LUC7L3: variants seen among roughly 807,000 people sequenced by gnomAD.
The protein encoded by LUC7L3 is luc7-like protein 3.
In LUC7L3, 6 loss-of-function variants were observed where a neutral mutation model predicts 66.8. The observed-to-expected ratio is 0.09, with a 90% CI of 0.05 to 0.18. The LOEUF (loss-of-function observed/expected upper bound fraction) is 0.18, where lower values mean the gene tolerates loss of function less well. Among genes scored for constraint, LUC7L3 ranks in the 10% least tolerant of loss-of-function variants. The pLI is 1.00. For synonymous variants in LUC7L3, 160 were observed against 174.7 expected, an observed-to-expected ratio of 0.92 and a Z score of 0.66; for missense variants, 341 against 531.1, an observed-to-expected ratio of 0.64 and a Z score of 3.52.
chr17:50,751,151 T>A lies in LUC7L3; in HGVS notation c.*490T>A. Reference sequence around the variant, plus strand: ...TTTGTTTTAATTAAACTGCTAGTATTTCTTTGTCAAGGATGTTTCTAGTTT... The same window carrying A: ...TTTGTTTTAATTAAACTGCTAGTATATCTTTGTCAAGGATGTTTCTAGTTT... On this transcript the variant is annotated 3_prime_UTR_variant, in exon 10 of 10. Coordinates refer to ENST00000505658, the MANE Select transcript of LUC7L3 (RefSeq NM_016424.5). The A allele has an allele frequency of 6.8e-7, 1 of 1,476,110 alleles. No individual in the cohort carries two copies. The highest frequency in any genetic ancestry group is 1.3e-5 in the South Asian group (1 of 75,292). 91.4% of individuals were successfully genotyped at this position (1,476,110 alleles called of 1,614,324 possible).
chr17:50,732,560 CTT>C (rs11360311), intron 1 of LUC7L3, among the ~76,000 whole-genome samples: 143 of 133,216 alleles, frequency 1.1e-3, no homozygotes, highest in East Asian at 4.7e-3. Flanking sequence ...TTTTTTCATT[CTT>C]TTTTTTTTTT....
chr17:50,745,627 A>G, intron 7 of LUC7L3, 93 bp from the exon 8 acceptor site: 5 of 907,756 alleles, frequency 5.5e-6, no homozygotes, highest in Non-Finnish European at 8.5e-6. Flanking sequence ...TCAATTCCAT[A>G]AGTTGGTCTA....
chr17:50,749,952 G>A (rs1056458856), intron 9 of LUC7L3, among the ~76,000 whole-genome samples: 1 of 152,160 alleles, frequency 6.6e-6, no homozygotes, highest in Non-Finnish European at 1.5e-5. Context: ...CAAAAGTTCA[G>A]TTGCTTAGAT....
intron 1 of LUC7L3, chr17:50,736,691 A>G: frequency 8.6e-6 from 3 of 350,426 alleles, no homozygotes; most frequent in Non-Finnish European, 1.0e-5. Context: ...TCTTTCCCAT[A>G]TTTGTTTTTG....
intron 5 of LUC7L3, among the ~76,000 whole-genome samples, chr17:50,742,445 G>T (rs1217223342): frequency 1.3e-5 from 2 of 151,948 alleles, no homozygotes; most frequent in Admixed American, 6.6e-5. Flanking sequence ...TGCAACCTCT[G>T]CCTCCCAGGT....
Position 50,753,229 on chromosome 17 carries a change from A to C in LUC7L3, c.*2568A>C, listed in dbSNP as rs555801469. ...TCTCTCCAGCTACGTATATACACAC[A>C]TACATATATATCATAGCAATTCCTT... On this transcript the variant is annotated 3_prime_UTR_variant, in exon 10 of 10. Transcript: ENST00000505658. 6.5e-6 allele frequency: 1 copy of C among 152,752 alleles called. No individual in the cohort carries two copies. Among genetic ancestry groups the C allele is most frequent in the South Asian group, 2.1e-4 (1 of 4,834 alleles). The allele number at this position is 152,752 out of a possible 1,614,324, so 9.5% of individuals were successfully genotyped here.
chr17:50,751,527 G>T lies in LUC7L3; in HGVS notation c.*866G>T. 1 of 1,173,790 alleles carries T rather than the reference G, an allele frequency of 8.5e-7. No individual in the cohort carries two copies. Among genetic ancestry groups the T allele is most frequent in the Non-Finnish European group, 1.1e-6 (1 of 933,740 alleles). 72.7% of individuals were successfully genotyped at this position (1,173,790 alleles called of 1,614,324 possible). ...CTTATAAAACAAATGTTAACAGAAT[G>T]GAATTTTTTTTCAACTGTATGTAGG... On this transcript the variant is annotated 3_prime_UTR_variant, in exon 10 of 10. Transcript: ENST00000505658.
In LUC7L3 at chr17:50,745,878, T is replaced by C. The variant is rs1313162992; in HGVS notation, c.852T>C (p.Ala284=). 1 of 1,607,564 alleles carries C rather than the reference T, an allele frequency of 6.2e-7. No homozygotes were observed. Among genetic ancestry groups the C allele is most frequent in the East Asian group, 2.2e-5 (1 of 44,800 alleles). Residue 284 remains alanine, a synonymous_variant, in exon 8 of 10, where the codon GCT becomes GCC. Transcript: ENST00000505658. Reference sequence around the variant, plus strand: ...AGGAAGAAAGAGAAAAAGAAAGGGCTCGTGACAGAGAAAGAAGAAAGAGAA... The same window carrying C: ...AGGAAGAAAGAGAAAAAGAAAGGGCCCGTGACAGAGAAAGAAGAAAGAGAA... ...REEEEREKER[A]RDRERRKRSR...
chr17:50,748,905 AAAAG>A (rs1970845207), intron 9 of LUC7L3, among the ~76,000 whole-genome samples: 1 of 152,184 alleles, frequency 6.6e-6, no homozygotes, highest in African/African-American at 2.4e-5. Flanking sequence ...AAAAATACAG[AAAAG>A]AAACTACCAT....
chr17:50,750,762 C>A lies in LUC7L3; in HGVS notation c.*101C>A. 6.2e-7 allele frequency: 1 copy of A among 1,603,246 alleles called. No individual in the cohort carries two copies. Among genetic ancestry groups the A allele is most frequent in the Non-Finnish European group, 8.5e-7 (1 of 1,175,522 alleles). On this transcript the variant is annotated 3_prime_UTR_variant, in exon 10 of 10. Transcript: ENST00000505658. Reference sequence around the variant, plus strand: ...TGTTTGACAGTGCAGCGTAAGTATGCACAGATGAAGATGGAACTAAGCCGA... The same window carrying A: ...TGTTTGACAGTGCAGCGTAAGTATGAACAGATGAAGATGGAACTAAGCCGA...
intron 1 of LUC7L3, among the ~76,000 whole-genome samples, chr17:50,734,238 G>C (rs1279716578): frequency 2.0e-5 from 3 of 150,942 alleles, no homozygotes; most frequent in Admixed American, 6.6e-5. Flanking sequence ...CCTAATCTCA[G>C]CTCACCGCAA....
At chr17:50,720,942 T>TA (rs1046024678) in intron 1 of LUC7L3, among the ~76,000 whole-genome samples, 1 of 152,172 alleles carries the variant, frequency 6.6e-6, no homozygotes, top group African/African-American at 2.4e-5. Context: ...GAAACATTCT[T>TA]AGAGTAGAAT....
At chr17:50,741,418 ATTTTGCTAACCATAAGATTTTTCTTTGT>A in intron 4 of LUC7L3, 172 bp downstream of exon 4, 1 of 734,544 alleles carries the variant, frequency 1.4e-6, no homozygotes, top group Non-Finnish European at 2.1e-6. Flanking sequence ...CATAACACTG[ATTTTGCTAACCATAAGATTTTTCTTTGT>A]TTTTATTTTT....
chr17:50,719,639 C>A lies in LUC7L3; in HGVS notation c.-94C>A. The A allele has an allele frequency of 9.3e-7, 1 of 1,079,604 alleles. No homozygotes were observed. The highest frequency in any genetic ancestry group is 1.4e-6 in the Non-Finnish European group (1 of 725,976). 66.9% of individuals were successfully genotyped at this position (1,079,604 alleles called of 1,614,324 possible). On this transcript the variant is annotated 5_prime_UTR_variant, in exon 1 of 10. In the 5' UTR this introduces an upstream ATG that the reference lacks. Coordinates refer to ENST00000505658, the MANE Select transcript of LUC7L3 (RefSeq NM_016424.5). ...TCCTGTGTGTAGGAGGGATTTCGGC[C>A]TGAGAGCGGGCCGAGGAGATTGGCG... is the stretch of plus-strand genomic sequence containing the variant.
At chr17:50,734,438 A>G (rs994913560) in intron 1 of LUC7L3, among the ~76,000 whole-genome samples, 1 of 152,180 alleles carries the variant, frequency 6.6e-6, no homozygotes, top group African/African-American at 2.4e-5. Context: ...AAGTGCTGGG[A>G]TTACAGGTGT....
rs1024623182 is a variant in LUC7L3 at position 50,750,907 on chromosome 17, CCT to C, written c.*249_*250del. The C allele has an allele frequency of 6.5e-7, 1 of 1,535,204 alleles. No homozygotes were observed. The highest frequency in any genetic ancestry group is 1.4e-5 in the African/African-American group (1 of 72,922). On this transcript the variant is annotated 3_prime_UTR_variant, in exon 10 of 10. Transcript: ENST00000505658. ...GCAGACTCGTGCCCCCATTAGTGTG[CCT>C]CTTTGGAAATTATCGCCCACATTTG... is the stretch of plus-strand genomic sequence containing the variant.
chr17:50,719,637 G>A lies in LUC7L3; in HGVS notation c.-96G>A, dbSNP rs1452181024. On this transcript the variant is annotated 5_prime_UTR_variant, in exon 1 of 10. Coordinates refer to ENST00000505658, the MANE Select transcript of LUC7L3 (RefSeq NM_016424.5). The stretch of plus-strand genomic sequence containing the variant: ...GCTCCTGTGTGTAGGAGGGATTTCG[G>A]CCTGAGAGCGGGCCGAGGAGATTGG... 8 of 1,043,646 alleles carry A rather than the reference G, an allele frequency of 7.7e-6. No individual in the cohort carries two copies. The highest frequency in any genetic ancestry group is 1.6e-5 in the African/African-American group (1 of 62,704). 64.6% of individuals were successfully genotyped at this position (1,043,646 alleles called of 1,614,324 possible).
In LUC7L3 at chr17:50,751,251, T is replaced by TG; in HGVS notation, c.*591dup. 7.3e-7 allele frequency: 1 copy of TG among 1,372,086 alleles called. No individual in the cohort carries two copies. The highest frequency in any genetic ancestry group is 9.6e-7 in the Non-Finnish European group (1 of 1,043,360). 85.0% of individuals were successfully genotyped at this position (1,372,086 alleles called of 1,614,324 possible). On this transcript the variant is annotated 3_prime_UTR_variant, in exon 10 of 10. Coordinates refer to ENST00000505658, the MANE Select transcript of LUC7L3 (RefSeq NM_016424.5). Reference sequence around the variant, plus strand: ...GCCAGTAGCATTGGATTGATGGAAGTGTAGGGTTTATGAATTATTGCAGCT... The same window carrying TG: ...GCCAGTAGCATTGGATTGATGGAAGTGGTAGGGTTTATGAATTATTGCAGCT...
chr17:50,732,725 G>A (rs1033598181), intron 1 of LUC7L3, among the ~76,000 whole-genome samples: 34 of 152,056 alleles, frequency 2.2e-4, no homozygotes, highest in African/African-American at 6.5e-4. Flanking sequence ...GCAGAATTAC[G>A]ACCTCTGGTT....
Sources: allele counts gnomAD v4.1 joint callset (sites outside exome capture counted in the v4.1 genomes callset), GRCh38; gene constraint gnomAD v4.1.1; transcripts MANE v1.5; gene names NCBI Gene and HGNC (gene_info 2026-07-23, HGNC 2026-07-21).